DIDO1: variants seen among roughly 807,000 people sequenced by gnomAD.
The protein encoded by DIDO1 is death-inducer obliterator 1.
Under a neutral mutation model 99.4 loss-of-function variants are expected in DIDO1, and 16 were observed. The ratio of observed to expected loss-of-function variants is 0.16; its 90% CI spans 0.11 to 0.24. DIDO1 has a LOEUF of 0.24. Ranked by LOEUF, DIDO1 falls within the 10% of genes least tolerant of loss-of-function variation. The probability of loss-of-function intolerance (pLI) is 1.00; values close to 1 mark genes in which losing one functional copy is unlikely to be tolerated. For missense variants in DIDO1, 2,996 were observed against 3,014.0 expected, an observed-to-expected ratio of 0.99 and a Z score of 0.14; for synonymous variants, 1,366 against 1,239.1, an observed-to-expected ratio of 1.10 and a Z score of -2.15.
chr20:62,896,435 ATAT>A lies in DIDO1; in HGVS notation c.2055-46_2055-44del. 6.3e-7 allele frequency: 1 copy of A among 1,593,476 alleles called. No homozygotes were observed. The highest frequency in any genetic ancestry group is 1.9e-5 in the Admixed American group (1 of 52,590). ...AAGGAACTACATAAGACACTTGTGTATATTAAACTTTTTGAACAGTGAGGCAAT... is the reference window on the plus strand; with the variant it reads ...AAGGAACTACATAAGACACTTGTGTATAAACTTTTTGAACAGTGAGGCAAT... On this transcript the variant is annotated intron_variant, in intron 7 of 15. Coordinates refer to ENST00000395343, the MANE Select transcript of DIDO1 (RefSeq NM_001193369.2). This position sits in a 1 kb window ranked among gnomAD's most constrained non-coding sequence, Gnocchi z 4.4.
chr20:62,889,211 T>A (rs957671890), intron 15 of DIDO1: 36 of 985,402 alleles, frequency 3.7e-5, no homozygotes, highest in Non-Finnish European at 4.0e-5. Flanking sequence ...CTGGGAGACC[T>A]GTCCTTTCCC....
At position 62,909,814 on chromosome 20, in the gene DIDO1, T is replaced by C. The variant is rs1189356488; in HGVS notation, c.1046A>G (p.Asp349Gly). Residue 349 changes from aspartate to glycine, a missense_variant, in exon 4 of 16, where the codon GAT becomes GGT. Asp to Gly is a moderately conservative substitution (Grantham distance 94, BLOSUM62 -1). Transcript: ENST00000395343. ...CTCTATTGTTCCTATACTTGTACAATCGGTGCCATCAGCATCTCCAGGTCT... is the reference window on the plus strand; with the variant it reads ...CTCTATTGTTCCTATACTTGTACAACCGGTGCCATCAGCATCTCCAGGTCT... ...KWRPGDADGT[D>G]CTSIGTIEQK... 6.2e-7 allele frequency: 1 copy of C among 1,614,250 alleles called. No individual in the cohort carries two copies. Among genetic ancestry groups the C allele is most frequent in the Non-Finnish European group, 8.5e-7 (1 of 1,180,038 alleles).
chr20:62,879,447 T>C lies in DIDO1; in HGVS notation c.6509A>G (p.Asp2170Gly), dbSNP rs1349957428. 1.3e-6 allele frequency: 2 copies of C among 1,555,666 alleles called. No individual in the cohort carries two copies. Among genetic ancestry groups the C allele is most frequent in the African/African-American group, 2.7e-5 (2 of 73,194 alleles). The change falls in exon 16 of 16, where the codon GAC (aspartate) becomes GGC (glycine). Residue 2170 changes from aspartate to glycine, a missense_variant. Transcript: ENST00000395343. The surrounding 1 kb of genome is among the most constrained non-coding windows in gnomAD (Gnocchi z 6.3). Reference protein sequence around the residue: ...EREADRGKEWDRSRERSRNRE... With the variant: ...EREADRGKEWGRSRERSRNRE... ...GTTCCTGCTCCGCTCCCGGCTGCGGTCCCACTCCTTGCCCCGGTCGGCCTC... is the reference window on the plus strand; with the variant it reads ...GTTCCTGCTCCGCTCCCGGCTGCGGCCCCACTCCTTGCCCCGGTCGGCCTC...
At position 62,910,771 on chromosome 20, in the gene DIDO1, C is replaced by T. The variant is rs2064914834; in HGVS notation, c.839+3G>A. On this transcript the variant is annotated splice_donor_region_variant and intron_variant, in intron 3 of 15. Transcript: ENST00000395343. ...TTTCTGTGGGTGCCCACACATGACC[C>T]ACCTGTTGTTGTGAGGCTGGCGGCA... 5.0e-6 allele frequency: 8 copies of T among 1,608,792 alleles called. No homozygotes were observed. In the East Asian group the frequency reaches 1.8e-4, roughly 36 times the overall value.
At chr20:62,886,358 CT>C (rs1037265163) in intron 15 of DIDO1, among the ~76,000 whole-genome samples, 1 of 152,216 alleles carries the variant, frequency 6.6e-6, no homozygotes, top group African/African-American at 2.4e-5. Context: ...GCCAACAGGC[CT>C]TTTTAGCACA....
At position 62,879,738 on chromosome 20, in the gene DIDO1, C is replaced by T; in HGVS notation, c.6218G>A (p.Gly2073Glu). 6.2e-7 allele frequency: 1 copy of T among 1,611,754 alleles called. No homozygotes were observed. Among genetic ancestry groups the T allele is most frequent in the East Asian group, 2.2e-5 (1 of 44,848 alleles). The change falls in exon 16 of 16, where the codon GGG (glycine) becomes GAG (glutamate). Residue 2073 changes from glycine to glutamate, a missense_variant. By Grantham distance (98) the Gly-to-Glu change is moderately conservative. This residue lies in a region of DIDO1 where 1,562 missense variants were observed against 1,412.6 expected (regional missense o/e 1.11). Transcript: ENST00000395343. This position sits in a 1 kb window ranked among gnomAD's most constrained non-coding sequence, Gnocchi z 6.3. ...CTGGTTTCTGTATTCGTGGCCTTTC[C>T]CCTCTCGGAAGTCGGCCGATGCCCA... ...GQWASADFRE[G>E]KGHEYRNQTF...
intron 5 of DIDO1, 132 bp downstream of exon 5, chr20:62,907,015 G>A (rs1600985478): frequency 1.1e-6 from 1 of 881,594 alleles, no homozygotes; most frequent in South Asian, 1.5e-5. Context: ...GGAAGACAAA[G>A]GTCAAGGCGA....
rs1339770090 is a variant in DIDO1 at position 62,893,877 on chromosome 20, A to T, written c.2890T>A (p.Ser964Thr). 1 of 1,612,278 alleles carries T rather than the reference A, an allele frequency of 6.2e-7. No individual in the cohort carries two copies. The highest frequency in any genetic ancestry group is 8.5e-7 in the Non-Finnish European group (1 of 1,178,718). The change falls in exon 12 of 16, where the codon TCC becomes ACC. Residue 964 changes from serine to threonine, a missense_variant. Coordinates refer to ENST00000395343, the MANE Select transcript of DIDO1 (RefSeq NM_001193369.2). ...GGAGCGGTCCTGGGGTCCCGGCCGGACACTGTGACGGTGGTGACCACCCCG... is the reference window on the plus strand; with the variant it reads ...GGAGCGGTCCTGGGGTCCCGGCCGGTCACTGTGACGGTGGTGACCACCCCG... ...GSGVVTTVTV[S>T]GRDPRTAPSS...
intron 1 of DIDO1, among the ~76,000 whole-genome samples, chr20:62,920,045 C>T (rs1601023737): frequency 6.6e-6 from 1 of 152,212 alleles, no homozygotes; most frequent in Non-Finnish European, 1.5e-5. Context: ...ACTTAAGATA[C>T]GGTCCCAATT....
intron 15 of DIDO1, chr20:62,889,077 G>A (rs1235893817): frequency 1.0e-5 from 10 of 985,420 alleles, no homozygotes; most frequent in African/African-American, 8.7e-5. Context: ...CTTGGTGGGC[G>A]AGTGTGACGT....
At chr20:62,930,864 A>G (rs2065326006), upstream of DIDO1, among the ~76,000 whole-genome samples, 1 of 152,182 alleles carries the variant, frequency 6.6e-6, no homozygotes, top group Non-Finnish European at 1.5e-5. Context: ...GGAACTTCTC[A>G]TGGCAGGGAA....
intron 6 of DIDO1, 200 bp downstream of exon 6, chr20:62,905,687 G>C: frequency 1.2e-6 from 2 of 1,606,318 alleles, no homozygotes; most frequent in South Asian, 1.1e-5. Context: ...ACAGTGACAG[G>C]AAGTCCTGAC....
intron 6 of DIDO1, 39 bp downstream of exon 6, chr20:62,905,848 G>A (rs150069069): frequency 2.4e-5 from 39 of 1,613,956 alleles, no homozygotes; most frequent in South Asian, 1.8e-4. Flanking sequence ...CAGAAAGAAC[G>A]GGAGGGGTCC....
chr20:62,928,088 T>A (rs2065283799), upstream of DIDO1, among the ~76,000 whole-genome samples: 2 of 152,174 alleles, frequency 1.3e-5, no homozygotes, highest in African/African-American at 2.4e-5. Flanking sequence ...CCAACTGGTA[T>A]GGGGGAACCT....
At position 62,910,974 on chromosome 20, in the gene DIDO1, C is replaced by A; in HGVS notation, c.639G>T (p.Leu213=). 1.2e-6 allele frequency: 2 copies of A among 1,614,166 alleles called. No homozygotes were observed. Among genetic ancestry groups the A allele is most frequent in the Non-Finnish European group, 1.7e-6 (2 of 1,180,038 alleles). Reference sequence around the variant, plus strand: ...CGTTCTCGGGCTCCTGCTTACTGGGCAGGACGCCCTCCACAGTGTCACTGG... The same window carrying A: ...CGTTCTCGGGCTCCTGCTTACTGGGAAGGACGCCCTCCACAGTGTCACTGG... ...SEASDTVEGV[L]PSKQEPENDQ... The change falls in exon 3 of 16, where the codon CTG becomes CTT. Residue 213 remains leucine, a synonymous_variant. Coordinates refer to ENST00000395343, the MANE Select transcript of DIDO1 (RefSeq NM_001193369.2).
At chr20:62,912,624 T>G (rs550483043) in intron 2 of DIDO1, among the ~76,000 whole-genome samples, 22 of 152,326 alleles carry the variant, frequency 1.4e-4, no homozygotes, top group African/African-American at 5.3e-4. Context: ...ACTTTGAGAA[T>G]TCTTTTCCAA....
At chr20:62,915,879 CGAATAAACACGCTACTA>C (rs2065028394) in intron 1 of DIDO1, among the ~76,000 whole-genome samples, 1 of 151,968 alleles carries the variant, frequency 6.6e-6, no homozygotes, top group Admixed American at 6.6e-5. Context: ...TGTTAATCTG[CGAATAAACACGCTACTA>C]GATTTGAGTT....
intron 1 of DIDO1, among the ~76,000 whole-genome samples, chr20:62,937,205 G>C (rs895596170): frequency 6.6e-6 from 1 of 152,202 alleles, no homozygotes; most frequent in Admixed American, 6.5e-5. Flanking sequence ...GCCCCTCAAG[G>C]ACTCTATTTC....
intron 1 of DIDO1, among the ~76,000 whole-genome samples, chr20:62,937,306 G>A (rs192848811): frequency 6.8e-4 from 104 of 152,380 alleles, no homozygotes; most frequent in African/African-American, 4.6e-4. Context: ...CTCCTGAGCG[G>A]ACAGGCAATA....
Sources: allele counts gnomAD v4.1 joint callset (sites outside exome capture counted in the v4.1 genomes callset), GRCh38; gene constraint gnomAD v4.1.1; regional missense constraint gnomAD v4.1.1; non-coding constraint Gnocchi (gnomAD v3.1); transcripts MANE v1.5; gene names NCBI Gene and HGNC (gene_info 2026-07-23, HGNC 2026-07-21).